Variants in DIAPH3 observed in about 807,000 individuals in gnomAD.
The protein encoded by DIAPH3 is diaphanous related formin 3, also known as protein diaphanous homolog 3.
DIAPH3 carries 117 observed loss-of-function variants against 144.3 expected under a neutral mutation model. The ratio of observed to expected loss-of-function variants is 0.81; its 90% CI spans 0.70 to 0.95. The LOEUF is 0.95. DIAPH3 is among the 40% of genes least tolerant of loss of function. The pLI, the probability that DIAPH3 is intolerant of heterozygous loss-of-function variation, is 0.00. For missense variants in DIAPH3, 1,421 were observed against 1,412.7 expected (o/e 1.01, Z -0.09); for synonymous variants, 519 against 488.9 (o/e 1.06, Z -0.81).
At position 59,719,265 on chromosome 13, in the gene DIAPH3, T is replaced by C. The variant is rs146030232; in HGVS notation, c.3320-52419A>G. Reference sequence around the variant, plus strand: ...ACGTATTTGTGTGATTTGAGTTCAATTGTAGCACATATAATGAAGAGAGCC... The same window carrying C: ...ACGTATTTGTGTGATTTGAGTTCAACTGTAGCACATATAATGAAGAGAGCC... On this transcript the variant is annotated intron_variant, in intron 27 of 27. Coordinates refer to ENST00000400324, the MANE Select transcript of DIAPH3 (RefSeq NM_001042517.2). Among the ~76,000 whole-genome samples the C allele has an allele frequency of 2.2e-3, 334 of 152,322 alleles. 2 individuals are homozygous for C. The highest frequency in any genetic ancestry group is 3.9e-3 in the Non-Finnish European group (267 of 68,026).
In DIAPH3 at chr13:59,666,373, A is replaced by AT; in HGVS notation, c.*210_*211insA. 13 of 435,658 alleles carry AT rather than the reference A, an allele frequency of 3.0e-5. No homozygotes were observed. The highest frequency in any genetic ancestry group is 3.8e-5 in the South Asian group (1 of 26,312). The allele number at this position is 435,658 out of a possible 1,614,324, so 27.0% of individuals were successfully genotyped here. A position where few individuals can be genotyped will look rare whatever the true frequency, so the allele number is the denominator to read the frequency against. ...ACCAGGAGACAAAAAAAAAAAAAAA[A>AT]GGATTAAAGCCCGGTACAATCTTGA... On this transcript the variant is annotated 3_prime_UTR_variant, in exon 28 of 28. Transcript: ENST00000400324.
intron 19 of DIAPH3, among the ~76,000 whole-genome samples, chr13:59,913,955 CAAAA>C (rs530376545): frequency 7.1e-6 from 1 of 139,880 alleles, no homozygotes; most frequent in South Asian, 2.3e-4. Flanking sequence ...CACTCTGTCT[CAAAA>C]AAAAAACAAA....
At chr13:59,828,833 T>C (rs1197184488) in intron 24 of DIAPH3, among the ~76,000 whole-genome samples, 2 of 151,782 alleles carry the variant, frequency 1.3e-5, no homozygotes, top group Non-Finnish European at 2.9e-5. Flanking sequence ...TAGTTCAAAA[T>C]AGAACCATTC....
At chr13:59,902,305 C>T (rs554939951) in intron 20 of DIAPH3, among the ~76,000 whole-genome samples, 2 of 152,124 alleles carry the variant, frequency 1.3e-5, no homozygotes, top group South Asian at 4.2e-4. Flanking sequence ...GGAGATCTGG[C>T]TGTTTAAAAG....
At chr13:59,994,376 T>C (rs905870660) in intron 9 of DIAPH3, among the ~76,000 whole-genome samples, 5 of 151,936 alleles carry the variant, frequency 3.3e-5, no homozygotes, top group Non-Finnish European at 7.4e-5. Flanking sequence ...ATGAGATACA[T>C]ACCTGCGGTA....
Position 59,875,528 on chromosome 13 carries a change from T to TAA in DIAPH3, c.2607+3699_2607+3700dup, listed in dbSNP as rs144216660. ...AGAGGAGGAGAAAGAGAGATTGTTC[T>TAA]AAAAAAAAAATCCTGACGAAACTGA... is the stretch of plus-strand genomic sequence containing the variant. On this transcript the variant is annotated intron_variant, in intron 21 of 27. Coordinates refer to ENST00000400324, the MANE Select transcript of DIAPH3 (RefSeq NM_001042517.2). Among the ~76,000 whole-genome samples, 522 of 149,382 alleles carry TAA rather than the reference T, an allele frequency of 3.5e-3. 18 individuals are homozygous for TAA. The highest frequency in any genetic ancestry group is 0.033 in the Admixed American group (495 of 14,978).
At chr13:59,716,765 T>C (rs917798389) in intron 27 of DIAPH3, among the ~76,000 whole-genome samples, 1 of 152,186 alleles carries the variant, frequency 6.6e-6, no homozygotes, top group African/African-American at 2.4e-5. Context: ...CTTTATTTGC[T>C]CCCTTAATAC....
At chr13:59,817,073 C>G (rs1566356213) in intron 24 of DIAPH3, among the ~76,000 whole-genome samples, 2 of 151,514 alleles carry the variant, frequency 1.3e-5, no homozygotes, top group Non-Finnish European at 3.0e-5. Flanking sequence ...TCATTGTGGT[C>G]AATAAATAAA....
At chr13:59,975,810 T>C (rs536272816) in intron 14 of DIAPH3, among the ~76,000 whole-genome samples, 4 of 152,176 alleles carry the variant, frequency 2.6e-5, no homozygotes, top group South Asian at 4.1e-4. Context: ...AGGTAAAAAC[T>C]GTCCAAATGT....
chr13:59,843,639 G>T (rs1034684607), intron 22 of DIAPH3, among the ~76,000 whole-genome samples: 2 of 152,198 alleles, frequency 1.3e-5, no homozygotes, highest in African/African-American at 2.4e-5. Flanking sequence ...CTACTCTACA[G>T]ATGCAAATCT....
rs773338442 is a variant in DIAPH3 at position 60,163,662 on chromosome 13, C to T, written c.105G>A (p.Met35Ile). The T allele has an allele frequency of 3.7e-6, 6 of 1,608,000 alleles. No individual in the cohort carries two copies. Among genetic ancestry groups the T allele is most frequent in the Admixed American group, 3.3e-5 (2 of 59,770 alleles). ...ASLRGCRESK[M>I]PRRKGPQHPP... is the part of the protein sequence containing the mutation. The stretch of plus-strand genomic sequence containing the variant: ...GGTGTTGGGGGCCCTTCCTGCGCGG[C>T]ATCTTGCTTTCCCGGCAGCCGCGGA... The change falls in exon 1 of 28, where the codon ATG becomes ATA. Residue 35 changes from methionine (M) to isoleucine (I), a missense_variant. Physicochemically the swap from Met to Ile is conservative, Grantham distance 10. Transcript: ENST00000400324.
At chr13:59,995,015 T>C (rs1454806908) in intron 9 of DIAPH3, among the ~76,000 whole-genome samples, 2 of 151,782 alleles carry the variant, frequency 1.3e-5, no homozygotes, top group African/African-American at 4.8e-5. Flanking sequence ...GAAAAATTGA[T>C]AGAATGAGGT....
At chr13:59,729,532 G>A (rs1164729879) in intron 27 of DIAPH3, among the ~76,000 whole-genome samples, 3 of 152,006 alleles carry the variant, frequency 2.0e-5, no homozygotes, top group African/African-American at 7.2e-5. Flanking sequence ...TTACCATAAC[G>A]TGGTAGCATG....
intron 27 of DIAPH3, among the ~76,000 whole-genome samples, chr13:59,704,112 C>T (rs958036982): frequency 2.0e-5 from 3 of 152,214 alleles, no homozygotes; most frequent in Non-Finnish European, 4.4e-5. Flanking sequence ...TAGACTTCGT[C>T]TCTTTTGCAA....
chr13:60,010,405 G>C, intron 8 of DIAPH3, 128 bp downstream of exon 8: 2 of 1,006,878 alleles, frequency 2.0e-6, no homozygotes, highest in Non-Finnish European at 2.8e-6. Flanking sequence ...TATATTAGCT[G>C]CTTAAATATA....
At chr13:60,047,541 A>C (rs1219964471) in intron 4 of DIAPH3, among the ~76,000 whole-genome samples, 1 of 152,164 alleles carries the variant, frequency 6.6e-6, no homozygotes, top group Non-Finnish European at 1.5e-5. Flanking sequence ...ATTTTCACGA[A>C]AGTTGTCAAT....
chr13:60,081,469 G>A (rs1284831199), intron 4 of DIAPH3, among the ~76,000 whole-genome samples: 1 of 151,914 alleles, frequency 6.6e-6, no homozygotes, highest in African/African-American at 2.4e-5. Context: ...ACATAAATTG[G>A]CATAGAATAA....
chr13:59,915,712 C>T (rs545196099), intron 19 of DIAPH3, among the ~76,000 whole-genome samples: 1 of 152,052 alleles, frequency 6.6e-6, no homozygotes. Flanking sequence ...CTCTAATACT[C>T]ATAGGAGCCC....
At chr13:59,952,085 C>G (rs1228957865) in intron 17 of DIAPH3, among the ~76,000 whole-genome samples, 3 of 152,070 alleles carry the variant, frequency 2.0e-5, no homozygotes, top group Non-Finnish European at 2.9e-5. Flanking sequence ...TTAAAAGAAA[C>G]ATAGCACTGA....
Sources: allele counts gnomAD v4.1 joint callset (sites outside exome capture counted in the v4.1 genomes callset), GRCh38; gene constraint gnomAD v4.1.1; transcripts MANE v1.5; gene names NCBI Gene and HGNC (gene_info 2026-07-23, HGNC 2026-07-21).